Variants in CEP152 observed in about 807,000 individuals in gnomAD.
CEP152 encodes the protein centrosomal protein of 152 kDa.
A neutral mutation model predicts 188.9 loss-of-function variants in CEP152; 132 were observed. The observed-to-expected ratio is 0.70, with a 90% CI of 0.61 to 0.81. The LOEUF (loss-of-function observed/expected upper bound fraction) is 0.81, where lower values mean the gene tolerates loss of function less well. CEP152 is among the 30% of genes least tolerant of loss of function. The probability of loss-of-function intolerance (pLI) is 0.00; values close to 1 mark genes in which losing one functional copy is unlikely to be tolerated. For missense variants in CEP152, 1,914 were observed against 1,969.8 expected, an observed-to-expected ratio of 0.97 and a Z score of 0.54; for synonymous variants, 649 against 666.6, an observed-to-expected ratio of 0.97 and a Z score of 0.41.
chr15:48,743,450 A>G (rs1157676464), intron 24 of CEP152, among the ~76,000 whole-genome samples: 1 of 152,238 alleles, frequency 6.6e-6, no homozygotes, highest in African/African-American at 2.4e-5. Context: ...AATGCTCTAC[A>G]GGATATGCTG....
chr15:48,798,634 A>T (rs992627072), intron 2 of CEP152, among the ~76,000 whole-genome samples: 9 of 152,226 alleles, frequency 5.9e-5, no homozygotes, highest in African/African-American at 1.9e-4. Flanking sequence ...CTCATACAAC[A>T]TCTGAGTAAA....
At position 48,744,930 on chromosome 15, in the gene CEP152, C is replaced by T; in HGVS notation, c.3697G>A (p.Glu1233Lys). ...GTTTTACAAAGTGTTTGCAATTCTT[C>T]CAATTTATTCTTCATGTCGTTGTTT... ...EENNDMKNKL[E>K]ELQTLCKTPP... The change falls in exon 23 of 27, where the codon GAA becomes AAA. Residue 1233 changes from glutamate (E) to lysine (K), a missense_variant. Glu to Lys is a moderately conservative substitution (Grantham distance 56). Coordinates refer to ENST00000380950, the MANE Select transcript of CEP152 (RefSeq NM_001194998.2). 1 of 1,610,654 alleles carries T rather than the reference C, an allele frequency of 6.2e-7. No homozygotes were observed. The highest frequency in any genetic ancestry group is 1.1e-5 in the South Asian group (1 of 90,342).
intron 19 of CEP152, among the ~76,000 whole-genome samples, chr15:48,756,831 A>C (rs1894315602): frequency 6.6e-6 from 1 of 152,162 alleles, no homozygotes; most frequent in Admixed American, 6.5e-5. Context: ...AAAAAATTTC[A>C]TATTACTTTT....
At chr15:48,767,898 CAT>C (rs1396469909) in intron 15 of CEP152, among the ~76,000 whole-genome samples, 6 of 152,146 alleles carry the variant, frequency 3.9e-5, no homozygotes, top group Admixed American at 3.9e-4. Flanking sequence ...ATTTGGAAGA[CAT>C]ATTCCCTCTC....
At chr15:48,806,388 G>C (rs1401422967) in intron 1 of CEP152, among the ~76,000 whole-genome samples, 4 of 145,580 alleles carry the variant, frequency 2.7e-5, no homozygotes, top group African/African-American at 7.3e-5. Context: ...ATTCAAAAAA[G>C]CTGCTGCTGA....
intron 6 of CEP152, among the ~76,000 whole-genome samples, chr15:48,794,475 A>G (rs527770186): frequency 6.6e-6 from 1 of 152,350 alleles, no homozygotes; most frequent in South Asian, 2.1e-4. Flanking sequence ...ATACAAGTCA[A>G]ACTCCTCATA....
At position 48,779,004 on chromosome 15, in the gene CEP152, G is replaced by A. The variant is rs78156739; in HGVS notation, c.1577+2192C>T. ...TTTGGCTATGAGCACTAAGTAAATA[G>A]AAAGTGTAAAGGTAGCAGAATATGT... is the stretch of plus-strand genomic sequence containing the variant. On this transcript the variant is annotated intron_variant, in intron 12 of 26. Coordinates refer to ENST00000380950, the MANE Select transcript of CEP152 (RefSeq NM_001194998.2). Among the ~76,000 whole-genome samples the A allele has an allele frequency of 3.4e-3, 509 of 150,302 alleles. 6 individuals are homozygous for A. Among genetic ancestry groups the A allele is most frequent in the African/African-American group, 0.012 (493 of 41,068 alleles).
chr15:48,787,172 T>TTTTTTTTTTTG lies in CEP152; in HGVS notation c.1173+1628_1173+1629insCAAAAAAAAAA. Among the ~76,000 whole-genome samples, 2 of 142,424 alleles carry TTTTTTTTTTTG rather than the reference T, an allele frequency of 1.4e-5. 1 individual carries two copies. Among genetic ancestry groups the TTTTTTTTTTTG allele is most frequent in the Non-Finnish European group, 3.1e-5 (2 of 64,788 alleles). 93.4% of individuals were successfully genotyped at this position (142,424 alleles called of 152,430 possible). ...ATTTGGTATAGCCTTCGTTTTTTTTTTTTTTTTTTTCTGGAAAAAGAGTCT... is the reference window on the plus strand; with the variant it reads ...ATTTGGTATAGCCTTCGTTTTTTTTTTTTTTTTTTTGTTTTTTTTTTCTGGAAAAAGAGTCT... On this transcript the variant is annotated intron_variant, in intron 9 of 26. Transcript: ENST00000380950.
At chr15:48,796,287 TATACACACACACACACACAC>T in intron 5 of CEP152, 127 bp from the exon 6 acceptor site, 1 of 692,254 alleles carries the variant, frequency 1.4e-6, no homozygotes, top group African/African-American at 2.0e-5. Context: ...TGTTTATATA[TATACACACACACACACACAC>T]ACACACACAC....
rs1567029933 is a variant in CEP152 at position 48,798,056 on chromosome 15, G to A, written c.88-5C>T. 1 of 1,610,818 alleles carries A rather than the reference G, an allele frequency of 6.2e-7. No individual in the cohort carries two copies. The highest frequency in any genetic ancestry group is 2.2e-5 in the East Asian group (1 of 44,854). On this transcript the variant is annotated splice_polypyrimidine_tract_variant and splice_region_variant and intron_variant, in intron 2 of 26. Coordinates refer to ENST00000380950, the MANE Select transcript of CEP152 (RefSeq NM_001194998.2). ...GTCTGTGAGTAACTGCTGCAACTGA[G>A]TCAAAAGGTCTGCATCAATATCATA...
intron 22 of CEP152, among the ~76,000 whole-genome samples, chr15:48,746,273 C>T (rs12185099): frequency 0.15 from 22,411 of 152,032 alleles, 1,881 homozygotes; most frequent in East Asian, 0.38. Context: ...ATTTGCAAGT[C>T]TACGAGTTTT....
intron 7 of CEP152, among the ~76,000 whole-genome samples, chr15:48,792,351 C>G: frequency 6.6e-6 from 1 of 152,168 alleles, no homozygotes; most frequent in Non-Finnish European, 1.5e-5. Context: ...TTTGCTATAA[C>G]AGCTCACAAG....
intron 2 of CEP152, among the ~76,000 whole-genome samples, chr15:48,801,741 T>C (rs1897679327): frequency 6.6e-6 from 1 of 152,182 alleles, no homozygotes; most frequent in African/African-American, 2.4e-5. Flanking sequence ...CAATCTTGTT[T>C]AAGCTGTGGC....
intron 1 of CEP152, among the ~76,000 whole-genome samples, chr15:48,809,996 T>C (rs1898225143): frequency 6.6e-6 from 1 of 152,236 alleles, no homozygotes; most frequent in South Asian, 2.1e-4. Flanking sequence ...ACTTTCAGAC[T>C]GTATTTCTTA....
At chr15:48,753,975 A>G (rs1894077655) in intron 20 of CEP152, among the ~76,000 whole-genome samples, 1 of 152,224 alleles carries the variant, frequency 6.6e-6, no homozygotes, top group African/African-American at 2.4e-5. Context: ...TTTTAAAACT[A>G]GAGAGTTAAT....
chr15:48,796,811 C>T (rs1300644727), intron 5 of CEP152, among the ~76,000 whole-genome samples: 1 of 152,164 alleles, frequency 6.6e-6, no homozygotes, highest in Non-Finnish European at 1.5e-5. Flanking sequence ...TTTTCCTTCA[C>T]ATTCATCCTG....
chr15:48,753,522 A>G (rs1894038294), intron 20 of CEP152, among the ~76,000 whole-genome samples: 1 of 152,240 alleles, frequency 6.6e-6, no homozygotes, highest in African/African-American at 2.4e-5. Flanking sequence ...ACAATGTCCA[A>G]CAGAAGCAGA....
intron 12 of CEP152, chr15:48,773,207 A>G (rs987611261): frequency 2.5e-5 from 4 of 157,402 alleles, no homozygotes; most frequent in African/African-American, 9.6e-5. Context: ...AAATTTAAAG[A>G]TTGAGAGATT....
intron 1 of CEP152, chr15:48,810,573 G>C (rs1898266066): frequency 6.6e-6 from 1 of 152,298 alleles, no homozygotes; most frequent in Non-Finnish European, 1.5e-5. Context: ...AAAGCCGCAC[G>C]GGGCCCAGGA....
Sources: gnomAD v4.1 joint callset for allele counts (sites outside exome capture counted in the v4.1 genomes callset) on GRCh38, gnomAD v4.1.1 for gene constraint, MANE v1.5 for transcripts, NCBI Gene and HGNC (gene_info 2026-07-23, HGNC 2026-07-21) for gene names.